The following CSMD1 variants were observed in gnomAD, a reference collection of about 807,000 sequenced individuals.
CSMD1 encodes the protein CUB and sushi domain-containing protein 1.
Under a neutral mutation model 417.5 loss-of-function variants are expected in CSMD1, and 213 were observed. The observed-to-expected ratio is 0.51, with a 90% CI of 0.46 to 0.57. The LOEUF is 0.57. Among genes scored for constraint, CSMD1 ranks in the 20% least tolerant of loss-of-function variants. The probability of loss-of-function intolerance (pLI) is 0.00; values close to 1 mark genes in which losing one functional copy is unlikely to be tolerated. For missense variants in CSMD1, 6,923 were observed against 4,529.7 expected (o/e 1.53, Z -15.17); for synonymous variants, 2,862 against 1,736.8 (o/e 1.65, Z -16.11).
intron 5 of CSMD1, among the ~76,000 whole-genome samples, chr8:3,972,675 G>T (rs1338363740): frequency 1.3e-5 from 2 of 152,220 alleles, no homozygotes; most frequent in Non-Finnish European, 2.9e-5. Context: ...ATTATGACCA[G>T]TGTTAGCATG....
chr8:4,864,874 C>T (rs1300664763), intron 1 of CSMD1, among the ~76,000 whole-genome samples: 1 of 31,856 alleles, frequency 3.1e-5, no homozygotes, highest in African/African-American at 6.8e-5. Context: ...TTGGATTCTA[C>T]TACACACACA....
At chr8:4,799,692 AT>A (rs1473597056) in intron 1 of CSMD1, among the ~76,000 whole-genome samples, 1 of 149,758 alleles carries the variant, frequency 6.7e-6, no homozygotes, top group Non-Finnish European at 1.5e-5. Flanking sequence ...TGCTTTGGAG[AT>A]TATCAATACA....
intron 2 of CSMD1, among the ~76,000 whole-genome samples, chr8:4,480,842 C>T (rs1165876230): frequency 6.6e-6 from 1 of 152,176 alleles, no homozygotes; most frequent in Non-Finnish European, 1.5e-5. Context: ...GGTTTTGTCA[C>T]ACCATTGTCA....
intron 10 of CSMD1, among the ~76,000 whole-genome samples, chr8:3,562,976 G>C (rs987216703): frequency 1.5e-4 from 23 of 151,578 alleles, no homozygotes; most frequent in African/African-American, 5.6e-4. Context: ...CATTCTATTA[G>C]CCCAAAACTC....
At chr8:2,995,852 A>G (rs1181607829) in intron 54 of CSMD1, among the ~76,000 whole-genome samples, 1 of 152,216 alleles carries the variant, frequency 6.6e-6, no homozygotes, top group African/African-American at 2.4e-5. Context: ...TGAAGGGAGA[A>G]GGTCAGAGAA....
chr8:4,515,020 T>A (rs2130364237), intron 2 of CSMD1, among the ~76,000 whole-genome samples: 1 of 152,308 alleles, frequency 6.6e-6, no homozygotes, highest in East Asian at 1.9e-4. Context: ...CTTTCCATTC[T>A]CAAAAGAAGA....
rs1017070867 is a variant in CSMD1, at chr8:3,029,427, G to C, written c.7747C>G (p.Gln2583Glu). 1 of 1,610,916 alleles carries C rather than the reference G, an allele frequency of 6.2e-7. No homozygotes were observed. The stretch of plus-strand genomic sequence containing the variant: ...CCAGGACTGCAGCTCAGCAATACTT[G>C]AGCACCGTACTCATTCAAGGATCCT... The part of the protein sequence containing the change: ...VSGSLNEYGA[Q>E]VLLSCSPGYY... The change falls in exon 51 of 70, where the codon CAA becomes GAA. Residue 2583 changes from glutamine to glutamate, a missense_variant. Transcript: ENST00000635120.
intron 6 of CSMD1, among the ~76,000 whole-genome samples, chr8:3,735,918 C>T (rs1796501295): frequency 6.6e-6 from 1 of 151,856 alleles, no homozygotes; most frequent in South Asian, 2.1e-4. Context: ...AAATTACAGC[C>T]TCCTAAAGCT....
At chr8:3,870,364 T>C (rs967936442) in intron 5 of CSMD1, among the ~76,000 whole-genome samples, 13 of 152,214 alleles carry the variant, frequency 8.5e-5, no homozygotes, top group African/African-American at 3.1e-4. Context: ...AAAAGACCAG[T>C]GCCTTATGGA....
At chr8:4,583,632 G>A (rs1043757749) in intron 2 of CSMD1, among the ~76,000 whole-genome samples, 9 of 152,164 alleles carry the variant, frequency 5.9e-5, no homozygotes, top group Admixed American at 5.9e-4. Context: ...TGGGGCCTTG[G>A]AGAACCTTTG....
At chr8:4,857,832 G>T (rs964482870) in intron 1 of CSMD1, among the ~76,000 whole-genome samples, 8 of 151,856 alleles carry the variant, frequency 5.3e-5, no homozygotes, top group Admixed American at 2.6e-4. Context: ...TTCCACCAGA[G>T]GTACAAGGAG....
At chr8:4,074,111 A>C (rs185765829) in intron 3 of CSMD1, among the ~76,000 whole-genome samples, 1 of 152,232 alleles carries the variant, frequency 6.6e-6, no homozygotes, top group Admixed American at 6.5e-5. Flanking sequence ...AGTGAGCTTA[A>C]ATGGGTTTTA....
At chr8:4,270,932 C>T (rs1804548262) in intron 3 of CSMD1, among the ~76,000 whole-genome samples, 1 of 152,128 alleles carries the variant, frequency 6.6e-6, no homozygotes. Context: ...AAATGAGACA[C>T]CCCTAGAGAG....
At chr8:4,244,584 T>C (rs1490825136) in intron 3 of CSMD1, among the ~76,000 whole-genome samples, 2 of 152,102 alleles carry the variant, frequency 1.3e-5, no homozygotes, top group Admixed American at 1.3e-4. Flanking sequence ...AAATATCAAC[T>C]ATTGTAGATC....
At chr8:4,991,716 A>C (rs1476865436) in intron 1 of CSMD1, among the ~76,000 whole-genome samples, 2 of 152,142 alleles carry the variant, frequency 1.3e-5, no homozygotes, top group African/African-American at 4.8e-5. Context: ...GACCTTGGTC[A>C]CCCGGGCTTT....
rs373494117 is a variant in CSMD1 at position 3,713,255 on chromosome 8, T to G, written c.932-4764A>C. Among the ~76,000 whole-genome samples, 181 of 152,324 alleles carry G rather than the reference T, an allele frequency of 1.2e-3. 5 individuals carry two copies. In the South Asian group the frequency reaches 0.03, roughly 25 times the overall value. Reference sequence around the variant, plus strand: ...TCTCCTACATCAGCTGCCTTCACTATAATCTCTAAGTGGTTAGGTTAAAAC... The same window carrying G: ...TCTCCTACATCAGCTGCCTTCACTAGAATCTCTAAGTGGTTAGGTTAAAAC... On this transcript the variant is annotated intron_variant, in intron 6 of 69. Coordinates refer to ENST00000635120, the MANE Select transcript of CSMD1 (RefSeq NM_033225.6).
chr8:3,356,807 G>A (rs1354892128), intron 21 of CSMD1, among the ~76,000 whole-genome samples: 1 of 152,232 alleles, frequency 6.6e-6, no homozygotes, highest in Non-Finnish European at 1.5e-5. Flanking sequence ...GCTGCTGGCT[G>A]AGCACTGGGT....
At chr8:3,072,108 G>C (rs1813358765) in intron 49 of CSMD1, among the ~76,000 whole-genome samples, 1 of 152,214 alleles carries the variant, frequency 6.6e-6, no homozygotes, top group Non-Finnish European at 1.5e-5. Context: ...AAAGGTTCAA[G>C]AGTAAGAGTG....
intron 3 of CSMD1, among the ~76,000 whole-genome samples, chr8:4,212,834 G>A (rs1041511887): frequency 1.4e-5 from 2 of 143,408 alleles, no homozygotes; most frequent in African/African-American, 5.4e-5. Flanking sequence ...TGGCATTTGG[G>A]AAACACCCTT....
Sources: allele counts gnomAD v4.1 joint callset (sites outside exome capture counted in the v4.1 genomes callset), GRCh38; gene constraint gnomAD v4.1.1; transcripts MANE v1.5; gene names NCBI Gene and HGNC (gene_info 2026-07-23, HGNC 2026-07-21).